CAMTA1: variants seen among roughly 807,000 people sequenced by gnomAD.
CAMTA1 encodes calmodulin binding transcription activator 1.
CAMTA1 carries 27 observed loss-of-function variants against 170.9 expected under a neutral mutation model. The observed-to-expected ratio is 0.16, with a 90% confidence interval of 0.12 to 0.22. CAMTA1 has a LOEUF of 0.22. Ranked by LOEUF, CAMTA1 falls within the 10% of genes least tolerant of loss-of-function variation. The pLI, the probability that CAMTA1 is intolerant of heterozygous loss-of-function variation, is 1.00. For missense variants in CAMTA1, 1,619 were observed against 2,217.2 expected (o/e 0.73, Z 5.42); for synonymous variants, 833 against 891.5 (o/e 0.93, Z 1.17).
chr1:7,577,859 G>T (rs1443149173), intron 6 of CAMTA1, among the ~76,000 whole-genome samples: 1 of 152,108 alleles, frequency 6.6e-6, no homozygotes, highest in African/African-American at 2.4e-5. Flanking sequence ...AAAATAGATG[G>T]CGGGCCAGAT....
At chr1:6,874,443 A>G (rs1465851501) in intron 3 of CAMTA1, 2 of 152,262 alleles carry the variant, frequency 1.3e-5, no homozygotes, top group Non-Finnish European at 1.5e-5. Flanking sequence ...AGCTGAGCAC[A>G]TGTCCACAAA....
chr1:6,894,570 C>A (rs1571456344), intron 3 of CAMTA1, among the ~76,000 whole-genome samples: 1 of 152,234 alleles, frequency 6.6e-6, no homozygotes, highest in African/African-American at 2.4e-5. Context: ...TACGGTGAAG[C>A]TGCCGCTGTG....
At position 7,634,410 on chromosome 1, in the gene CAMTA1, C is replaced by T. The variant is rs996674942; in HGVS notation, c.511-5990C>T. 6.6e-6 allele frequency among the ~76,000 whole-genome samples: 1 copy of T among 151,888 alleles called. No individual in the cohort carries two copies. Among genetic ancestry groups the T allele is most frequent in the East Asian group, 1.9e-4 (1 of 5,140 alleles). On this transcript the variant is annotated intron_variant, in intron 6 of 22. Transcript: ENST00000303635. This position sits in a 1 kb window ranked among gnomAD's most constrained non-coding sequence, Gnocchi z 6.2. The stretch of plus-strand genomic sequence containing the variant: ...GGGTGCTGAGCAGGAGGTCGGGAGG[C>T]GAGGTCGGCCATGGGAAGTCATGGG...
intron 1 of CAMTA1, among the ~76,000 whole-genome samples, chr1:6,818,176 A>G (rs987015465): frequency 6.6e-6 from 1 of 152,130 alleles, no homozygotes; most frequent in African/African-American, 2.4e-5. Flanking sequence ...ATCTCTACTA[A>G]AAATACACAA....
At chr1:7,662,249 C>G (rs575686544) in intron 8 of CAMTA1, among the ~76,000 whole-genome samples, 3 of 152,246 alleles carry the variant, frequency 2.0e-5, no homozygotes, top group African/African-American at 7.2e-5. Flanking sequence ...ACGTGCCCTG[C>G]GTCAGTGACA....
intron 3 of CAMTA1, among the ~76,000 whole-genome samples, chr1:6,914,715 G>A (rs1224614535): frequency 6.6e-6 from 1 of 152,200 alleles, no homozygotes; most frequent in Admixed American, 6.5e-5. Context: ...GCCAGGTCTG[G>A]CTTGAACGAG....
At chr1:7,204,050 A>G (rs949420773) in intron 4 of CAMTA1, among the ~76,000 whole-genome samples, 2 of 151,622 alleles carry the variant, frequency 1.3e-5, no homozygotes, top group Non-Finnish European at 1.5e-5. Context: ...GTGTTAGCCA[A>G]GATGGTCTCG....
In CAMTA1 at chr1:7,377,425, C is replaced by G. The variant is rs554799743; in HGVS notation, c.439-90405C>G. On this transcript the variant is annotated intron_variant, in intron 5 of 22. Coordinates refer to ENST00000303635, the MANE Select transcript of CAMTA1 (RefSeq NM_015215.4). ...TGTTCTCTATTCTCAGGCCGACTTC[C>G]CTGTGTTAGTAAAATGACTGTAGTC... Among the ~76,000 whole-genome samples, 9 of 152,306 alleles carry G rather than the reference C, an allele frequency of 5.9e-5. No homozygotes were observed. The South Asian group carries it at 1.9e-3, about 32-fold the overall frequency.
chr1:7,493,751 G>A (rs548451031), intron 6 of CAMTA1, among the ~76,000 whole-genome samples: 9 of 152,196 alleles, frequency 5.9e-5, no homozygotes, highest in Non-Finnish European at 1.0e-4. Flanking sequence ...CCCTGGCCAC[G>A]CATCCTACAG....
At chr1:7,572,340 T>C (rs903392339) in intron 6 of CAMTA1, among the ~76,000 whole-genome samples, 3 of 152,244 alleles carry the variant, frequency 2.0e-5, no homozygotes, top group African/African-American at 7.2e-5. Flanking sequence ...GCTCTTTAGT[T>C]TAATTAGATC....
intron 5 of CAMTA1, among the ~76,000 whole-genome samples, chr1:7,389,048 AG>A (rs2088374068): frequency 6.6e-6 from 1 of 152,096 alleles, no homozygotes; most frequent in Non-Finnish European, 1.5e-5. Context: ...GGCGAGAGGG[AG>A]GGGGAGGAGG....
intron 6 of CAMTA1, among the ~76,000 whole-genome samples, chr1:7,601,992 G>T (rs1306870082): frequency 7.2e-6 from 1 of 139,628 alleles, no homozygotes; most frequent in Non-Finnish European, 1.5e-5. Flanking sequence ...AGACCGTGGG[G>T]AGAGGGAGAG....
chr1:7,463,320 G>A lies in CAMTA1; in HGVS notation c.439-4510G>A, dbSNP rs886384483. On this transcript the variant is annotated intron_variant, in intron 5 of 22. Coordinates refer to ENST00000303635, the MANE Select transcript of CAMTA1 (RefSeq NM_015215.4). This position sits in a 1 kb window ranked among gnomAD's most constrained non-coding sequence, Gnocchi z 4.7. ...GTGTCAGACACAGAGACAGGGACAG[G>A]CAAGGGAAACAGAGACAGGGAGAGA... Among the ~76,000 whole-genome samples, 19 of 152,152 alleles carry A rather than the reference G, an allele frequency of 1.2e-4. No individual in the cohort carries two copies. The highest frequency in any genetic ancestry group is 2.2e-4 in the Non-Finnish European group (15 of 68,024).
intron 6 of CAMTA1, among the ~76,000 whole-genome samples, chr1:7,494,151 C>CAAAAA (rs201225081): frequency 1.3e-3 from 142 of 113,304 alleles, no homozygotes; most frequent in African/African-American, 4.1e-3. Context: ...ATCTGCTGTT[C>CAAAAA]AAAAAAAAAA....
intron 6 of CAMTA1, among the ~76,000 whole-genome samples, chr1:7,546,429 G>A (rs542178866): frequency 6.6e-6 from 1 of 152,262 alleles, no homozygotes; most frequent in East Asian, 1.9e-4. Flanking sequence ...TTAATTCTGT[G>A]TCTTTGCTAT....
chr1:7,518,876 C>T (rs1157514813), intron 6 of CAMTA1, among the ~76,000 whole-genome samples: 4 of 151,878 alleles, frequency 2.6e-5, no homozygotes, highest in East Asian at 1.9e-4. Context: ...TGAGTGCTCC[C>T]GAAAAAATGG....
At chr1:7,264,127 A>G (rs569599127) in intron 5 of CAMTA1, among the ~76,000 whole-genome samples, 1 of 152,228 alleles carries the variant, frequency 6.6e-6, no homozygotes, top group South Asian at 2.1e-4. Flanking sequence ...CCTGCAAAGG[A>G]CGCTTCTGCA....
chr1:7,654,647 C>T (rs1225681610), intron 7 of CAMTA1, among the ~76,000 whole-genome samples: 2 of 84,682 alleles, frequency 2.4e-5, no homozygotes, highest in African/African-American at 3.9e-5. Flanking sequence ...CACACAAGCA[C>T]ACACCTATAC....
At chr1:6,799,401 G>A (rs1263622041) in intron 1 of CAMTA1, among the ~76,000 whole-genome samples, 1 of 152,220 alleles carries the variant, frequency 6.6e-6, no homozygotes, top group Non-Finnish European at 1.5e-5. Context: ...ATGCTGGTGA[G>A]CAGGACTCAA....
Sources: gnomAD v4.1 joint callset for allele counts (sites outside exome capture counted in the v4.1 genomes callset) on GRCh38, gnomAD v4.1.1 for gene constraint, Gnocchi (gnomAD v3.1) non-coding constraint, MANE v1.5 for transcripts, NCBI Gene and HGNC (gene_info 2026-07-23, HGNC 2026-07-21) for gene names.